Variants in SPATS2 observed in about 807,000 individuals in gnomAD.
SPATS2 encodes spermatogenesis-associated serine-rich protein 2.
SPATS2 carries 38 observed loss-of-function variants against 63.7 expected under a neutral mutation model. That is an observed-to-expected ratio of 0.60 (90% confidence interval 0.46 to 0.78). The LOEUF is 0.78. SPATS2 is among the 30% of genes least tolerant of loss of function. The probability of loss-of-function intolerance (pLI) is 0.00; values close to 1 mark genes in which losing one functional copy is unlikely to be tolerated. For missense variants in SPATS2, 588 were observed against 666.2 expected, an observed-to-expected ratio of 0.88 and a Z score of 1.29; for synonymous variants, 207 against 232.9, an observed-to-expected ratio of 0.89 and a Z score of 1.01.
At chr12:49,455,743 G>A (rs770883360) in intron 2 of SPATS2, among the ~76,000 whole-genome samples, 8 of 152,058 alleles carry the variant, frequency 5.3e-5, no homozygotes, top group African/African-American at 1.2e-4. Context: ...CACCTCACCC[G>A]CCTAAGTAGC....
chr12:49,526,359 G>A lies in SPATS2; in HGVS notation c.*104G>A, dbSNP rs764685537. On this transcript the variant is annotated 3_prime_UTR_variant, in exon 14 of 14. Coordinates refer to ENST00000552918, the MANE Select transcript of SPATS2 (RefSeq NM_023071.4). ...TGTAATAACAAAAAGAAGTTTATGC[G>A]TATCACTTTTTGTGCCATTCTAAGT... is the stretch of plus-strand genomic sequence containing the variant. 1.1e-4 allele frequency: 142 copies of A among 1,334,210 alleles called. No individual in the cohort carries two copies. Among genetic ancestry groups the A allele is most frequent in the Admixed American group, 2.3e-4 (8 of 34,470 alleles). 82.6% of individuals were successfully genotyped at this position (1,334,210 alleles called of 1,614,324 possible).
At chr12:49,367,153 T>C (rs1313385309), upstream of SPATS2, 5 of 160,166 alleles carry the variant, frequency 3.1e-5, no homozygotes, top group Non-Finnish European at 6.8e-5. Context: ...CCCGATCTTC[T>C]CGGTCTCCGG....
At chr12:49,448,623 C>T (rs1373721916) in intron 2 of SPATS2, among the ~76,000 whole-genome samples, 4 of 149,684 alleles carry the variant, frequency 2.7e-5, no homozygotes, top group Admixed American at 1.3e-4. Flanking sequence ...CACCTGTAGT[C>T]GCAACTACTT....
chr12:49,436,455 A>T (rs1384244555), intron 2 of SPATS2, among the ~76,000 whole-genome samples: 215 of 113,642 alleles, frequency 1.9e-3, no homozygotes, highest in Middle Eastern at 0.014. Context: ...GGGGCTCCTC[A>T]CTTCCCAGTA....
At chr12:49,455,863 C>T (rs1565730845) in intron 2 of SPATS2, among the ~76,000 whole-genome samples, 1 of 152,216 alleles carries the variant, frequency 6.6e-6, no homozygotes, top group African/African-American at 2.4e-5. Context: ...CTAAAGCAGT[C>T]CCCGCACCTT....
intron 2 of SPATS2, among the ~76,000 whole-genome samples, chr12:49,396,819 C>T (rs1944520483): frequency 6.6e-6 from 1 of 152,170 alleles, no homozygotes; most frequent in African/African-American, 2.4e-5. Flanking sequence ...TGGCCTGTGG[C>T]CTAAACTCTT....
chr12:49,488,585 G>A (rs561445359), intron 4 of SPATS2, among the ~76,000 whole-genome samples: 1 of 151,784 alleles, frequency 6.6e-6, no homozygotes, highest in South Asian at 2.1e-4. Flanking sequence ...TTGAACCTGG[G>A]AGGTGGAGGT....
intron 2 of SPATS2, among the ~76,000 whole-genome samples, chr12:49,426,350 C>T (rs999429588): frequency 2.0e-5 from 3 of 152,120 alleles, no homozygotes; most frequent in Admixed American, 6.6e-5. Context: ...CAGATTCTCT[C>T]CCTGACCAGT....
chr12:49,419,216 T>C (rs560919434), intron 2 of SPATS2, among the ~76,000 whole-genome samples: 5 of 152,386 alleles, frequency 3.3e-5, no homozygotes, highest in African/African-American at 1.2e-4. Flanking sequence ...ATATGCTGCA[T>C]GCATTATGCA....
At chr12:49,386,318 C>T (rs1251503037) in intron 2 of SPATS2, among the ~76,000 whole-genome samples, 2 of 151,828 alleles carry the variant, frequency 1.3e-5, no homozygotes, top group Non-Finnish European at 2.9e-5. Flanking sequence ...CGTGCGCCAC[C>T]ATGCCCAACT....
At chr12:49,397,574 T>C (rs2137279840) in intron 2 of SPATS2, among the ~76,000 whole-genome samples, 1 of 152,158 alleles carries the variant, frequency 6.6e-6, no homozygotes, top group African/African-American at 2.4e-5. Flanking sequence ...ACTCCTGTAA[T>C]CCCACAGCTT....
intron 2 of SPATS2, chr12:49,389,401 T>G (rs898487417): frequency 8.7e-6 from 5 of 576,462 alleles, no homozygotes; most frequent in South Asian, 6.4e-5. Flanking sequence ...GGAGGCAGAT[T>G]AGGGGCGCGG....
chr12:49,524,173 G>GAT (rs779126449), intron 12 of SPATS2, among the ~76,000 whole-genome samples: 7 of 152,272 alleles, frequency 4.6e-5, no homozygotes, highest in Non-Finnish European at 1.0e-4. Flanking sequence ...TTGTTATAAA[G>GAT]ATTAGTTCTA....
At chr12:49,416,976 G>T (rs1944900075) in intron 2 of SPATS2, among the ~76,000 whole-genome samples, 1 of 152,138 alleles carries the variant, frequency 6.6e-6, no homozygotes, top group Non-Finnish European at 1.5e-5. Flanking sequence ...AACGTGTCAG[G>T]CTTTTCTCTT....
chr12:49,458,358 G>A (rs1565732106), intron 2 of SPATS2, among the ~76,000 whole-genome samples: 3 of 151,566 alleles, frequency 2.0e-5, no homozygotes, highest in African/African-American at 4.9e-5. Context: ...GTCCCAGCTC[G>A]TTGGGAGGCT....
chr12:49,454,952 A>G (rs762776853), intron 2 of SPATS2, among the ~76,000 whole-genome samples: 1 of 151,542 alleles, frequency 6.6e-6, no homozygotes, highest in African/African-American at 2.4e-5. Flanking sequence ...CTTCACGTTC[A>G]TGCTAGCCTT....
intron 3 of SPATS2, among the ~76,000 whole-genome samples, chr12:49,463,933 C>G (rs958719146): frequency 1.3e-5 from 2 of 152,124 alleles, no homozygotes; most frequent in African/African-American, 4.8e-5. Context: ...ATTGATTACT[C>G]CAAGCCTATT....
At chr12:49,504,734 GT>G (rs34366051) in intron 9 of SPATS2, among the ~76,000 whole-genome samples, 131,983 of 135,756 alleles carry the variant, frequency 0.97, 64,218 homozygotes, top group Non-Finnish European at 1. Flanking sequence ...TTATTGGCGC[GT>G]TTTTTTTTTT....
chr12:49,504,569 A>G (rs1946622913), intron 9 of SPATS2, among the ~76,000 whole-genome samples: 1 of 152,166 alleles, frequency 6.6e-6, no homozygotes, highest in South Asian at 2.1e-4. Flanking sequence ...TTTTAAATAA[A>G]AAGTTTCCAT....
Sources: gnomAD v4.1 joint callset for allele counts (sites outside exome capture counted in the v4.1 genomes callset) on GRCh38, gnomAD v4.1.1 for gene constraint, MANE v1.5 for transcripts, NCBI Gene and HGNC (gene_info 2026-07-23, HGNC 2026-07-21) for gene names.